Variants in NCALD observed in about 807,000 individuals in gnomAD.
NCALD encodes the protein neurocalcin-delta.
Under a neutral mutation model 18.6 loss-of-function variants are expected in NCALD, and 10 were observed. The observed-to-expected ratio is 0.54, with a 90% confidence interval of 0.33 to 0.91. The LOEUF (loss-of-function observed/expected upper bound fraction) is 0.91. Among genes scored for constraint, NCALD ranks in the 40% least tolerant of loss-of-function variants. The pLI, the probability that NCALD is intolerant of heterozygous loss-of-function variation, is 0.03. For missense variants in NCALD, 184 were observed against 247.6 expected (o/e 0.74, Z 1.72); for synonymous variants, 88 against 87.4 (o/e 1.01, Z -0.04).
intron 2 of NCALD, among the ~76,000 whole-genome samples, chr8:101,920,291 T>A (rs1818117092): frequency 6.6e-6 from 1 of 152,122 alleles, no homozygotes; most frequent in Admixed American, 6.5e-5. Context: ...TGGAGATTTC[T>A]CAAAGAAATA....
rs1075706 is a variant in NCALD, at chr8:102,117,178, T to A, written c.-210+7059A>T. The stretch of plus-strand genomic sequence containing the variant: ...AAATATCTGTTGCATTCAACCACCA[T>A]TTTGTGGTCATTTGTTTCAGCGGCC... On this transcript the variant is annotated intron_variant, in intron 1 of 6. Transcript: ENST00000311028. 8.4e-3 allele frequency among the ~76,000 whole-genome samples: 1,280 copies of A among 152,288 alleles called. 28 individuals carry two copies. Among genetic ancestry groups the A allele is most frequent in the African/African-American group, 0.029 (1,209 of 41,558 alleles).
At chr8:102,118,061 T>C (rs535427499) in intron 1 of NCALD, among the ~76,000 whole-genome samples, 6 of 152,356 alleles carry the variant, frequency 3.9e-5, no homozygotes, top group South Asian at 2.1e-4. Context: ...TACTTTGTGT[T>C]GGCTACTATG....
intron 2 of NCALD, among the ~76,000 whole-genome samples, chr8:101,923,004 T>C (rs1818218653): frequency 6.6e-6 from 1 of 152,124 alleles, no homozygotes; most frequent in African/African-American, 2.4e-5. Context: ...TACTGTAGTA[T>C]TAAAGGTGGG....
At chr8:101,882,034 G>A (rs1816511305) in intron 4 of NCALD, among the ~76,000 whole-genome samples, 1 of 152,186 alleles carries the variant, frequency 6.6e-6, no homozygotes, top group Non-Finnish European at 1.5e-5. Flanking sequence ...AATGTCTTCA[G>A]ATGGTTGTCA....
chr8:102,115,319 T>C (rs1825751892), intron 1 of NCALD, among the ~76,000 whole-genome samples: 1 of 152,230 alleles, frequency 6.6e-6, no homozygotes, highest in Non-Finnish European at 1.5e-5. Context: ...CCTTTTTTTC[T>C]TTCCTTCCTC....
chr8:101,947,840 G>A (rs1436410085), intron 2 of NCALD, among the ~76,000 whole-genome samples: 1 of 152,224 alleles, frequency 6.6e-6, no homozygotes, highest in Non-Finnish European at 1.5e-5. Flanking sequence ...TGTAGTGGGT[G>A]AGGGATTAAG....
At chr8:102,045,215 A>G (rs1038298245) in intron 1 of NCALD, among the ~76,000 whole-genome samples, 1 of 152,162 alleles carries the variant, frequency 6.6e-6, no homozygotes, top group Non-Finnish European at 1.5e-5. Flanking sequence ...GTGGTTGAGA[A>G]CTGCCTTGTT....
chr8:101,925,894 A>G (rs745305995), intron 2 of NCALD, among the ~76,000 whole-genome samples: 11 of 152,170 alleles, frequency 7.2e-5, no homozygotes, highest in Non-Finnish European at 1.5e-4. Flanking sequence ...AAGGCAATTA[A>G]ATGTTGATAA....
At chr8:101,859,354 T>C (rs1251340257) in intron 4 of NCALD, among the ~76,000 whole-genome samples, 1 of 152,186 alleles carries the variant, frequency 6.6e-6, no homozygotes, top group African/African-American at 2.4e-5. Flanking sequence ...TTTGGACTGG[T>C]TTCGTTGCTC....
At chr8:102,018,862 A>G (rs552921268) in intron 2 of NCALD, among the ~76,000 whole-genome samples, 1 of 152,178 alleles carries the variant, frequency 6.6e-6, no homozygotes, top group South Asian at 2.1e-4. Flanking sequence ...TGTACAATGA[A>G]ATCAATTCCA....
At chr8:101,759,035 C>A (rs1017354206) in intron 1 of NCALD, among the ~76,000 whole-genome samples, 2 of 152,146 alleles carry the variant, frequency 1.3e-5, no homozygotes, top group African/African-American at 2.4e-5. Context: ...ATTTTTAACT[C>A]ATTTATAGGA....
intron 2 of NCALD, among the ~76,000 whole-genome samples, chr8:101,978,124 G>A (rs1439730741): frequency 6.7e-6 from 1 of 149,996 alleles, no homozygotes; most frequent in East Asian, 2.0e-4. Flanking sequence ...CCCGAGAAGT[G>A]CATATGCCTG....
chr8:102,060,019 C>T (rs190714040), intron 1 of NCALD, among the ~76,000 whole-genome samples: 64 of 152,258 alleles, frequency 4.2e-4, no homozygotes, highest in African/African-American at 1.3e-3. Flanking sequence ...CTCACTCTGT[C>T]GCCCAGGCTG....
chr8:101,877,939 T>C (rs1331978769), intron 4 of NCALD, among the ~76,000 whole-genome samples: 2 of 152,222 alleles, frequency 1.3e-5, no homozygotes, highest in Admixed American at 1.3e-4. Flanking sequence ...CGTATTTGTA[T>C]AATGCTTTTA....
intron 2 of NCALD, among the ~76,000 whole-genome samples, chr8:101,983,127 A>G (rs150001933): frequency 6.6e-6 from 1 of 152,286 alleles, no homozygotes; most frequent in African/African-American, 2.4e-5. Flanking sequence ...GAGTCTCAGA[A>G]CTGTCCTCCC....
chr8:102,035,758 T>G (rs983959619), intron 1 of NCALD, among the ~76,000 whole-genome samples: 1 of 152,146 alleles, frequency 6.6e-6, no homozygotes, highest in Non-Finnish European at 1.5e-5. Flanking sequence ...ATAAAAATTT[T>G]CACCAAAATT....
At chr8:102,086,979 A>AC (rs1353644181) in intron 1 of NCALD, among the ~76,000 whole-genome samples, 2 of 152,152 alleles carry the variant, frequency 1.3e-5, no homozygotes, top group African/African-American at 4.8e-5. Context: ...TCAGGAACTT[A>AC]CCCTATATGG....
At chr8:101,927,086 A>G (rs1434296858) in intron 2 of NCALD, among the ~76,000 whole-genome samples, 1 of 152,100 alleles carries the variant, frequency 6.6e-6, no homozygotes, top group Non-Finnish European at 1.5e-5. Context: ...ACTTCCCACC[A>G]GGGACCAGAT....
Position 102,067,160 on chromosome 8 carries a change from GGA to G in NCALD, c.-209-46873_-209-46872del, listed in dbSNP as rs531166015. ...AAACCATTGCCCATTCCTAACCCATGGAGAGAAATGGGTCCACCTGTTATATG... is the reference window on the plus strand; with the variant it reads ...AAACCATTGCCCATTCCTAACCCATGGAGAAATGGGTCCACCTGTTATATG... On this transcript the variant is annotated intron_variant, in intron 1 of 6. Transcript: ENST00000311028. Among the ~76,000 whole-genome samples, 121 of 152,306 alleles carry G rather than the reference GGA, an allele frequency of 7.9e-4. 1 individual carries two copies. Among genetic ancestry groups the G allele is most frequent in the Middle Eastern group, 3.4e-3 (1 of 294 alleles).
Sources: gnomAD v4.1 joint callset for allele counts (sites outside exome capture counted in the v4.1 genomes callset) on GRCh38, gnomAD v4.1.1 for gene constraint, MANE v1.5 for transcripts, NCBI Gene and HGNC (gene_info 2026-07-23, HGNC 2026-07-21) for gene names.